COL4A1: variants seen among roughly 807,000 people sequenced by gnomAD.
The protein encoded by COL4A1 is collagen type IV alpha 1 chain, also known as collagen alpha-1(IV) chain.
A neutral mutation model predicts 216.6 loss-of-function variants in COL4A1; 40 were observed. That is an observed-to-expected ratio of 0.18 (90% CI 0.14 to 0.24). The LOEUF is 0.24. COL4A1 is among the 10% of genes least tolerant of loss of function. The pLI, the probability that COL4A1 is intolerant of heterozygous loss-of-function variation, is 1.00. For missense variants in COL4A1, 1,628 were observed against 2,196.8 expected (o/e 0.74, Z 5.18); for synonymous variants, 839 against 810.7 (o/e 1.03, Z -0.59).
intron 45 of COL4A1, 85 bp downstream of exon 45, chr13:110,166,147 C>A: frequency 1.2e-6 from 1 of 851,322 alleles, no homozygotes; most frequent in South Asian, 1.3e-5. Flanking sequence ...TATGAAAAAC[C>A]AAACACCCCA....
chr13:110,253,648 C>CATATACGTATAATTATATGTGTATGTAAA (rs1882349911), intron 1 of COL4A1, among the ~76,000 whole-genome samples: 2 of 143,180 alleles, frequency 1.4e-5, no homozygotes, highest in Admixed American at 1.4e-4. Context: ...GTATGTATTA[C>CATATACGTATAATTATATGTGTATGTAAA]ATATACGTAT....
At chr13:110,251,528 T>C (rs559085994) in intron 1 of COL4A1, among the ~76,000 whole-genome samples, 1 of 152,336 alleles carries the variant, frequency 6.6e-6, no homozygotes, top group African/African-American at 2.4e-5. Context: ...GAGCTGAGTG[T>C]GTGAGCAAGC....
At chr13:110,277,399 T>G (rs1185946261) in intron 1 of COL4A1, among the ~76,000 whole-genome samples, 1 of 152,222 alleles carries the variant, frequency 6.6e-6, no homozygotes, top group Non-Finnish European at 1.5e-5. Flanking sequence ...AGTCATCTTT[T>G]CAGAACATCT....
At chr13:110,246,401 A>G (rs1881814498) in intron 1 of COL4A1, among the ~76,000 whole-genome samples, 1 of 114,524 alleles carries the variant, frequency 8.7e-6, no homozygotes, top group African/African-American at 3.2e-5. Flanking sequence ...GGTGTAATGT[A>G]TAAGCTTCAA....
chr13:110,230,538 C>A (rs570191324), intron 2 of COL4A1, among the ~76,000 whole-genome samples: 3 of 55,604 alleles, frequency 5.4e-5, no homozygotes, highest in Non-Finnish European at 1.2e-4. Flanking sequence ...GTAAAGGGGG[C>A]GAGTGAGGTG....
chr13:110,203,451 C>A lies in COL4A1; in HGVS notation c.999+115G>T. 6.1e-6 allele frequency: 7 copies of A among 1,142,590 alleles called. No homozygotes were observed. In the South Asian group the frequency reaches 6.2e-5, roughly 10 times the overall value. The allele number at this position is 1,142,590 out of a possible 1,614,324, so 70.8% of individuals were successfully genotyped here. On this transcript the variant is annotated intron_variant, in intron 18 of 51. Coordinates refer to ENST00000375820, the MANE Select transcript of COL4A1 (RefSeq NM_001845.6). ...GCATCTCCTCTCCTTCCTCTCCCAG[C>A]GCTCTCACAGACCCAGGGTCCTCTC...
intron 2 of COL4A1, among the ~76,000 whole-genome samples, chr13:110,219,192 C>G (rs528413292): frequency 6.6e-6 from 1 of 152,182 alleles, no homozygotes; most frequent in African/African-American, 2.4e-5. Context: ...TGAGGGGGGA[C>G]AGATGCAAGG....
chr13:110,174,176 A>C (rs1251865816), intron 39 of COL4A1, among the ~76,000 whole-genome samples, 178 bp from the exon 40 acceptor site: 1 of 152,156 alleles, frequency 6.6e-6, no homozygotes, highest in African/African-American at 2.4e-5. Flanking sequence ...TTTCAGCAAC[A>C]CCACCAAACC....
chr13:110,149,332 G>C lies in COL4A1; in HGVS notation c.*1031C>G, dbSNP rs1249350814. 6.5e-6 allele frequency: 1 copy of C among 154,790 alleles called. No homozygotes were observed. Among genetic ancestry groups the C allele is most frequent in the African/African-American group, 2.4e-5 (1 of 41,510 alleles). 9.6% of individuals were successfully genotyped at this position (154,790 alleles called of 1,614,324 possible). ...GTGATTCAACAGAGCTGTTTTTCAA[G>C]CCAGGATGCAGAATGAGGAATACTA... On this transcript the variant is annotated 3_prime_UTR_variant, in exon 52 of 52. Coordinates refer to ENST00000375820, the MANE Select transcript of COL4A1 (RefSeq NM_001845.6).
intron 26 of COL4A1, among the ~76,000 whole-genome samples, chr13:110,186,010 A>G (rs909396483): frequency 6.6e-6 from 1 of 152,200 alleles, no homozygotes; most frequent in African/African-American, 2.4e-5. Flanking sequence ...TGGAGATCAC[A>G]CCACTCGGGA....
intron 37 of COL4A1, 33 bp downstream of exon 37, chr13:110,175,185 G>T (rs1027106233): frequency 6.2e-7 from 1 of 1,613,660 alleles, no homozygotes; most frequent in African/African-American, 1.3e-5. Flanking sequence ...TGAGCTGGGA[G>T]AAGGGGACCT....
chr13:110,304,872 C>G (rs1884625039), intron 1 of COL4A1, among the ~76,000 whole-genome samples: 1 of 152,150 alleles, frequency 6.6e-6, no homozygotes, highest in Non-Finnish European at 1.5e-5. Flanking sequence ...ACAGTCACTT[C>G]CACTGGCTTC....
At chr13:110,229,622 G>A (rs1313958132) in intron 2 of COL4A1, among the ~76,000 whole-genome samples, 1 of 152,206 alleles carries the variant, frequency 6.6e-6, no homozygotes, top group East Asian at 1.9e-4. Flanking sequence ...GGGAAGTGAT[G>A]AGGCTCATGA....
intron 49 of COL4A1, among the ~76,000 whole-genome samples, chr13:110,159,535 A>G (rs979830004): frequency 3.8e-4 from 58 of 152,202 alleles, no homozygotes; most frequent in African/African-American, 1.4e-3. Context: ...TGTGGAAAAC[A>G]GCATGGAGGT....
rs768051109 is a variant in COL4A1, at chr13:110,176,952, C to A, written c.2802G>T (p.Lys934Asn). ...TGTCCACCTTATCCATGGAGCCAGG[C>A]TTGCCAGGGAGACCGACATCCCCCT... ...GDKGDVGLPG[K>N]PGSMDKVDMG... is the part of the protein sequence containing the mutation. The change falls in exon 34 of 52, where the codon AAG (lysine) becomes AAT (asparagine). Residue 934 changes from lysine (K) to asparagine (N), a missense_variant. Lys to Asn is a moderately conservative substitution (Grantham distance 94). Around this residue, in one of 8 missense-constraint regions of COL4A1, gnomAD observed 701 missense variants for 892.5 expected, o/e 0.79. Transcript: ENST00000375820. The A allele has an allele frequency of 1.2e-6, 2 of 1,614,204 alleles. No individual in the cohort carries two copies. The highest frequency in any genetic ancestry group is 8.5e-7 in the Non-Finnish European group (1 of 1,180,048).
intron 49 of COL4A1, among the ~76,000 whole-genome samples, chr13:110,157,844 A>T (rs1229962556): frequency 6.6e-6 from 1 of 152,160 alleles, no homozygotes; most frequent in Non-Finnish European, 1.5e-5. Flanking sequence ...TACTGAGAGG[A>T]ATGCATCACA....
chr13:110,212,941 C>T (rs1353429381), intron 4 of COL4A1, among the ~76,000 whole-genome samples: 2 of 152,168 alleles, frequency 1.3e-5, no homozygotes, highest in Non-Finnish European at 2.9e-5. Flanking sequence ...TCAGCCACAA[C>T]AAGGAACAAA....
intron 1 of COL4A1, among the ~76,000 whole-genome samples, chr13:110,282,814 T>C (rs569664985): frequency 6.6e-5 from 10 of 152,308 alleles, no homozygotes; most frequent in African/African-American, 2.4e-4. Flanking sequence ...ACAAGCTTTC[T>C]GTCAAAAAAA....
At chr13:110,243,153 T>A (rs2139246393) in intron 1 of COL4A1, among the ~76,000 whole-genome samples, 1 of 152,032 alleles carries the variant, frequency 6.6e-6, no homozygotes, top group African/African-American at 2.4e-5. Context: ...GAGCTCCCAA[T>A]GACGTGGTCT....
Sources: gnomAD v4.1 joint callset for allele counts (sites outside exome capture counted in the v4.1 genomes callset) on GRCh38, gnomAD v4.1.1 for gene constraint, gnomAD v4.1.1 regional missense constraint, MANE v1.5 for transcripts, NCBI Gene and HGNC (gene_info 2026-07-23, HGNC 2026-07-21) for gene names.